Variants in SOX5 observed in about 807,000 individuals in gnomAD.
The protein encoded by SOX5 is SRY-box transcription factor 5, also known as transcription factor SOX-5.
In SOX5, 9 loss-of-function variants were observed where a neutral mutation model predicts 92.0. The observed-to-expected ratio is 0.10, with a 90% confidence interval of 0.06 to 0.17. The LOEUF is 0.17. SOX5 is among the 10% of genes least tolerant of loss of function. The pLI, the probability that SOX5 is intolerant of heterozygous loss-of-function variation, is 1.00. For synonymous variants in SOX5, 344 were observed against 336.3 expected, an observed-to-expected ratio of 1.02 and a Z score of -0.25; for missense variants, 642 against 944.5, an observed-to-expected ratio of 0.68 and a Z score of 4.20.
At chr12:23,880,364 C>T (rs964364924) in intron 2 of SOX5, among the ~76,000 whole-genome samples, 1 of 152,096 alleles carries the variant, frequency 6.6e-6, no homozygotes, top group African/African-American at 2.4e-5. Context: ...TTAATTCACC[C>T]CTTCCTTTGA....
At chr12:23,984,644 T>C (rs1400059002) in intron 4 of SOX5, among the ~76,000 whole-genome samples, 1 of 152,182 alleles carries the variant, frequency 6.6e-6, no homozygotes, top group Non-Finnish European at 1.5e-5. Context: ...ATCTCACATC[T>C]GAGAAACTCG....
At chr12:24,506,715 A>T (rs546700199) in intron 1 of SOX5, among the ~76,000 whole-genome samples, 1 of 151,880 alleles carries the variant, frequency 6.6e-6, no homozygotes, top group South Asian at 2.1e-4. Flanking sequence ...ACAGATAATC[A>T]AAAAGAAAGA....
intron 7 of SOX5, among the ~76,000 whole-genome samples, chr12:23,648,434 T>C (rs2081149862): frequency 6.6e-6 from 1 of 152,220 alleles, no homozygotes; most frequent in Admixed American, 6.5e-5. Context: ...AAGTTGTTAC[T>C]ACTAATACTC....
intron 12 of SOX5, among the ~76,000 whole-genome samples, chr12:23,545,065 T>C (rs1290198989): frequency 6.6e-6 from 1 of 152,200 alleles, no homozygotes; most frequent in Non-Finnish European, 1.5e-5. Context: ...TTGAATCCAA[T>C]TGAGTAAAAT....
intron 6 of SOX5, among the ~76,000 whole-genome samples, chr12:23,686,863 G>C (rs878930062): frequency 1.6e-4 from 24 of 152,010 alleles, no homozygotes; most frequent in African/African-American, 5.5e-4. Flanking sequence ...AATAAAACAT[G>C]GTTCACTACG....
intron 1 of SOX5, among the ~76,000 whole-genome samples, chr12:23,928,536 C>T (rs1940607643): frequency 6.6e-6 from 1 of 151,762 alleles, no homozygotes; most frequent in Non-Finnish European, 1.5e-5. Flanking sequence ...AGCTGAAATA[C>T]ATAAACTATA....
At chr12:24,415,800 A>G (rs1964921662) in intron 1 of SOX5, among the ~76,000 whole-genome samples, 2 of 152,238 alleles carry the variant, frequency 1.3e-5, no homozygotes, top group South Asian at 2.1e-4. Flanking sequence ...GAGGTGGAGA[A>G]AACAAAGTCA....
At chr12:23,552,399 G>GTTTA (rs1944375689) in intron 11 of SOX5, among the ~76,000 whole-genome samples, 2 of 151,468 alleles carry the variant, frequency 1.3e-5, no homozygotes, top group Admixed American at 6.6e-5. Context: ...TAATTGCTTG[G>GTTTA]ACTTAACTTA....
intron 1 of SOX5, among the ~76,000 whole-genome samples, chr12:24,495,727 CT>C (rs1947562068): frequency 6.6e-6 from 1 of 152,210 alleles, no homozygotes; most frequent in Admixed American, 6.5e-5. Flanking sequence ...AATTGCACCA[CT>C]TATGAATAAC....
At chr12:23,997,449 C>A (rs74675143) in intron 4 of SOX5, among the ~76,000 whole-genome samples, 4,862 of 152,188 alleles carry the variant, frequency 0.032, 267 homozygotes, top group African/African-American at 0.11. Context: ...AATAGACCTG[C>A]CTACAGTCAG....
At chr12:23,802,231 G>A (rs1028838817) in intron 3 of SOX5, among the ~76,000 whole-genome samples, 2 of 151,830 alleles carry the variant, frequency 1.3e-5, no homozygotes, top group Non-Finnish European at 2.9e-5. Flanking sequence ...CCACCACCAT[G>A]TCCAGCTAAA....
intron 3 of SOX5, among the ~76,000 whole-genome samples, chr12:23,795,471 T>C (rs928748949): frequency 3.9e-5 from 6 of 152,162 alleles, no homozygotes; most frequent in African/African-American, 1.4e-4. Flanking sequence ...TGGATTTCCT[T>C]TTAACAGAGT....
At chr12:24,387,800 C>A (rs1039239156) in intron 1 of SOX5, among the ~76,000 whole-genome samples, 2 of 152,126 alleles carry the variant, frequency 1.3e-5, no homozygotes, top group African/African-American at 4.8e-5. Flanking sequence ...AAGCTTCTTT[C>A]TTTTTCTTCT....
intron 2 of SOX5, among the ~76,000 whole-genome samples, chr12:24,362,938 C>G (rs1372751416): frequency 6.6e-6 from 1 of 151,216 alleles, no homozygotes; most frequent in Non-Finnish European, 1.5e-5. Context: ...CTTGATCCAC[C>G]AGTAGAATTA....
Position 24,031,992 on chromosome 12 carries a change from G to A in SOX5, c.-1-135968C>T, listed in dbSNP as rs182269981. On this transcript the variant is annotated intron_variant, in intron 4 of 4. Coordinates refer to the SOX5 transcript ENST00000446891. Reference sequence around the variant, plus strand: ...GCAGAGAAAATATTGAATATAAACCGGAAGCCAGGTAGTTATTTAAAATGC... The same window carrying A: ...GCAGAGAAAATATTGAATATAAACCAGAAGCCAGGTAGTTATTTAAAATGC... Among the ~76,000 whole-genome samples the A allele has an allele frequency of 7.0e-4, 107 of 151,942 alleles. 1 individual carries two copies. Among genetic ancestry groups the A allele is most frequent in the Admixed American group, 1.2e-3 (19 of 15,238 alleles).
chr12:23,831,652 T>C (rs2135611826), intron 3 of SOX5, among the ~76,000 whole-genome samples: 1 of 152,186 alleles, frequency 6.6e-6, no homozygotes, highest in East Asian at 1.9e-4. Flanking sequence ...ATGAACTGCT[T>C]CATGTAAAGT....
intron 1 of SOX5, among the ~76,000 whole-genome samples, chr12:24,406,554 G>GA (rs1254536803): frequency 6.6e-6 from 1 of 152,134 alleles, no homozygotes; most frequent in Non-Finnish European, 1.5e-5. Flanking sequence ...GTGAAGAGAG[G>GA]AAAAAATGAC....
intron 7 of SOX5, among the ~76,000 whole-genome samples, chr12:23,654,568 T>A (rs574621492): frequency 6.6e-6 from 1 of 152,230 alleles, no homozygotes; most frequent in African/African-American, 2.4e-5. Flanking sequence ...TGTTTCCTTA[T>A]GGCAATAAGT....
At chr12:23,870,133 G>A (rs1317236181) in intron 2 of SOX5, among the ~76,000 whole-genome samples, 4 of 151,872 alleles carry the variant, frequency 2.6e-5, no homozygotes, top group Non-Finnish European at 5.9e-5. Flanking sequence ...TGCCCCTAGG[G>A]TCCAAATAGC....
Sources: allele counts gnomAD v4.1 joint callset (sites outside exome capture counted in the v4.1 genomes callset), GRCh38; gene constraint gnomAD v4.1.1; transcripts MANE v1.5; gene names NCBI Gene and HGNC (gene_info 2026-07-23, HGNC 2026-07-21).